The following ABCA13 variants were observed in gnomAD, a reference collection of about 807,000 sequenced individuals.
ABCA13 encodes ATP-binding cassette sub-family A member 13.
Under a neutral mutation model 478.7 loss-of-function variants are expected in ABCA13, and 476 were observed. The observed-to-expected ratio is 0.99, with a 90% CI of 0.92 to 1.07. The LOEUF is 1.07. Among genes scored for constraint, ABCA13 ranks in the 50% least tolerant of loss-of-function variants. ABCA13 has a pLI of 0.00. For synonymous variants in ABCA13, 2,252 were observed against 2,158.9 expected, an observed-to-expected ratio of 1.04 and a Z score of -1.20; for missense variants, 6,060 against 5,910.6, an observed-to-expected ratio of 1.03 and a Z score of -0.83.
chr7:48,357,572 C>T (rs1311077251), intron 31 of ABCA13, among the ~76,000 whole-genome samples: 2 of 151,930 alleles, frequency 1.3e-5, no homozygotes, highest in Non-Finnish European at 2.9e-5. Flanking sequence ...ATCGTTTCTC[C>T]AATTTGTCTA....
At chr7:48,281,937 T>C (rs1203059591) in intron 19 of ABCA13, among the ~76,000 whole-genome samples, 1 of 152,224 alleles carries the variant, frequency 6.6e-6, no homozygotes, top group Admixed American at 6.5e-5. Context: ...CATTTCCTGA[T>C]GGGTGCTGAG....
intron 35 of ABCA13, among the ~76,000 whole-genome samples, chr7:48,381,364 T>TAC (rs1554483372): frequency 8.1e-5 from 12 of 148,886 alleles, no homozygotes; most frequent in African/African-American, 3.0e-4. Context: ...GTCACACACA[T>TAC]ACACATACAC....
intron 10 of ABCA13, among the ~76,000 whole-genome samples, chr7:48,241,643 C>T (rs1790849416): frequency 6.6e-6 from 1 of 152,112 alleles, no homozygotes; most frequent in Non-Finnish European, 1.5e-5. Context: ...TATTATCCTT[C>T]TGAAGTTAAG....
intron 15 of ABCA13, among the ~76,000 whole-genome samples, chr7:48,253,329 C>G (rs1398869244): frequency 6.6e-6 from 1 of 152,142 alleles, no homozygotes; most frequent in Non-Finnish European, 1.5e-5. Context: ...CCTAGGCAAG[C>G]CAAATATTGC....
At chr7:48,490,068 T>G (rs1829706496) in intron 48 of ABCA13, among the ~76,000 whole-genome samples, 1 of 152,236 alleles carries the variant, frequency 6.6e-6, no homozygotes, top group South Asian at 2.1e-4. Context: ...TAATATGCTC[T>G]CACTTTATTT....
chr7:48,374,862 G>A (rs994024589), intron 34 of ABCA13, among the ~76,000 whole-genome samples: 6 of 146,356 alleles, frequency 4.1e-5, no homozygotes, highest in Non-Finnish European at 9.4e-5. Flanking sequence ...AGCTTTGTCT[G>A]TATTTACAGC....
At chr7:48,532,375 T>C (rs1173658561) in intron 55 of ABCA13, among the ~76,000 whole-genome samples, 1 of 152,170 alleles carries the variant, frequency 6.6e-6, no homozygotes, top group African/African-American at 2.4e-5. Flanking sequence ...ATTATCTTTT[T>C]GATATGCTTT....
At chr7:48,225,761 C>A (rs2128979515) in intron 5 of ABCA13, among the ~76,000 whole-genome samples, 1 of 152,102 alleles carries the variant, frequency 6.6e-6, no homozygotes, top group African/African-American at 2.4e-5. Context: ...CAGATAATAA[C>A]ATGCTGATAG....
rs142379975 is a variant in ABCA13, at chr7:48,391,093, C to A, written c.11655-828C>A. On this transcript the variant is annotated intron_variant, in intron 37 of 61. Coordinates refer to ENST00000435803, the MANE Select transcript of ABCA13 (RefSeq NM_152701.5). ...ATTCTGAGGCTTCTGTTGGTAAAGTCGGTCATGTGAGCTTGTGGTGGCAGG... is the reference window on the plus strand; with the variant it reads ...ATTCTGAGGCTTCTGTTGGTAAAGTAGGTCATGTGAGCTTGTGGTGGCAGG... 4.2e-4 allele frequency among the ~76,000 whole-genome samples: 64 copies of A among 152,262 alleles called. 1 individual carries two copies. Among genetic ancestry groups the A allele is most frequent in the Admixed American group, 3.3e-3 (50 of 15,274 alleles).
At chr7:48,476,606 G>A (rs1828120846) in intron 45 of ABCA13, among the ~76,000 whole-genome samples, 1 of 152,112 alleles carries the variant, frequency 6.6e-6, no homozygotes, top group Non-Finnish European at 1.5e-5. Flanking sequence ...GTTTCATTTG[G>A]TGAAGAGGCT....
In ABCA13 at chr7:48,374,378, G is replaced by A; in HGVS notation, c.11165G>A (p.Gly3722Glu). 1 of 1,610,648 alleles carries A rather than the reference G, an allele frequency of 6.2e-7. No homozygotes were observed. Among genetic ancestry groups the A allele is most frequent in the Non-Finnish European group, 8.5e-7 (1 of 1,178,656 alleles). The stretch of plus-strand genomic sequence containing the variant: ...CTTTCGACAACCGCCTTTGGACAAG[G>A]GGTATTTTTTATTACATTCCTGGAA... ...CLLSTTAFGQ[G>E]VFFITFLEGQ... Residue 3722 changes from glycine to glutamate, a missense_variant, in exon 34 of 62, where the codon GGG becomes GAG. Around this residue, in one of 3 missense-constraint regions of ABCA13, gnomAD observed 4,423 missense variants for 4,309.1 expected, o/e 1.03. Coordinates refer to ENST00000435803, the MANE Select transcript of ABCA13 (RefSeq NM_152701.5).
intron 13 of ABCA13, 113 bp downstream of exon 13, chr7:48,246,143 AC>A: frequency 8.4e-7 from 1 of 1,191,700 alleles, no homozygotes; most frequent in Non-Finnish European, 1.1e-6. Context: ...CCGTAAGCCC[AC>A]ACACTTAAAG....
chr7:48,608,471 A>C (rs921761507), intron 58 of ABCA13, among the ~76,000 whole-genome samples: 6 of 152,248 alleles, frequency 3.9e-5, no homozygotes, highest in African/African-American at 1.4e-4. Flanking sequence ...CTGCACATAC[A>C]TGCAGCCGCA....
At chr7:48,383,609 C>A (rs185319140) in intron 35 of ABCA13, among the ~76,000 whole-genome samples, 7 of 152,304 alleles carry the variant, frequency 4.6e-5, no homozygotes, top group Admixed American at 2.6e-4. Flanking sequence ...ATGAAATATT[C>A]TTTTCTCCCC....
intron 58 of ABCA13, among the ~76,000 whole-genome samples, chr7:48,613,723 CTT>C (rs1792257736): frequency 6.6e-6 from 1 of 150,486 alleles, no homozygotes; most frequent in Non-Finnish European, 1.5e-5. Flanking sequence ...CATGATTCCT[CTT>C]TCATTTTTTT....
At chr7:48,481,485 G>A (rs912181281) in intron 46 of ABCA13, among the ~76,000 whole-genome samples, 1 of 152,146 alleles carries the variant, frequency 6.6e-6, no homozygotes, top group Non-Finnish European at 1.5e-5. Context: ...TAAGTGCTGG[G>A]GGAAATCCTA....
At chr7:48,529,794 A>G (rs1193858042) in intron 55 of ABCA13, among the ~76,000 whole-genome samples, 1 of 152,228 alleles carries the variant, frequency 6.6e-6, no homozygotes. Context: ...GCTAAAATAA[A>G]TATAATTCAT....
chr7:48,529,680 T>C (rs1833096352), intron 55 of ABCA13, among the ~76,000 whole-genome samples: 1 of 152,232 alleles, frequency 6.6e-6, no homozygotes, highest in Non-Finnish European at 1.5e-5. Flanking sequence ...TAAAGGATTG[T>C]GTCTACAATT....
At chr7:48,183,827 C>A (rs1181211177) in intron 1 of ABCA13, among the ~76,000 whole-genome samples, 1 of 152,148 alleles carries the variant, frequency 6.6e-6, no homozygotes, top group Non-Finnish European at 1.5e-5. Context: ...TGCATGACTT[C>A]CAATTTTTTT....
Sources: allele counts gnomAD v4.1 joint callset (sites outside exome capture counted in the v4.1 genomes callset), GRCh38; gene constraint gnomAD v4.1.1; regional missense constraint gnomAD v4.1.1; transcripts MANE v1.5; gene names NCBI Gene and HGNC (gene_info 2026-07-23, HGNC 2026-07-21).